The following CDH13 variants were observed in gnomAD, a reference collection of about 807,000 sequenced individuals.
The protein encoded by CDH13 is cadherin 13, also known as cadherin-13.
A neutral mutation model predicts 63.8 loss-of-function variants in CDH13; 24 were observed. That is an observed-to-expected ratio of 0.38 (90% CI 0.27 to 0.53). The LOEUF (loss-of-function observed/expected upper bound fraction) is 0.53. Ranked by LOEUF, CDH13 falls within the 20% of genes least tolerant of loss-of-function variation. The probability of loss-of-function intolerance (pLI) is 0.85; values close to 1 mark genes in which losing one functional copy is unlikely to be tolerated. For missense variants in CDH13, 1,049 were observed against 903.1 expected (o/e 1.16, Z -2.07); for synonymous variants, 503 against 355.3 (o/e 1.42, Z -4.67).
chr16:82,824,131 A>G (rs181338527), intron 1 of CDH13: 30 of 152,354 alleles, frequency 2.0e-4, no homozygotes, highest in African/African-American at 5.5e-4. Flanking sequence ...AGAAGCCAGT[A>G]TGAGTAGCTC....
intron 7 of CDH13, among the ~76,000 whole-genome samples, chr16:83,535,601 C>A (rs1037153400): frequency 6.6e-6 from 1 of 152,162 alleles, no homozygotes; most frequent in Non-Finnish European, 1.5e-5. Flanking sequence ...GAGATCTCAA[C>A]ATGGGGAAGG....
intron 7 of CDH13, among the ~76,000 whole-genome samples, chr16:83,555,132 A>T (rs2075578121): frequency 6.6e-6 from 1 of 152,182 alleles, no homozygotes; most frequent in Non-Finnish European, 1.5e-5. Flanking sequence ...TTGGTACTTC[A>T]TCAACCAGAC....
intron 1 of CDH13, among the ~76,000 whole-genome samples, chr16:82,790,295 C>T (rs1322076882): frequency 6.6e-6 from 1 of 152,052 alleles, no homozygotes; most frequent in African/African-American, 2.4e-5. Context: ...ATTAGCTGGG[C>T]ATGGTGGTGT....
intron 2 of CDH13, among the ~76,000 whole-genome samples, chr16:82,913,918 A>G (rs1422546791): frequency 6.6e-6 from 1 of 152,112 alleles, no homozygotes; most frequent in African/African-American, 2.4e-5. Flanking sequence ...AGTGGTGCAC[A>G]CTTAGGGTTA....
chr16:82,835,411 C>A (rs972994350), intron 1 of CDH13, among the ~76,000 whole-genome samples: 5 of 152,264 alleles, frequency 3.3e-5, no homozygotes, highest in Admixed American at 1.3e-4. Flanking sequence ...CCAAAGCTAC[C>A]CCAATTTTAG....
chr16:83,152,876 A>G (rs915397571), intron 4 of CDH13, among the ~76,000 whole-genome samples: 4 of 152,160 alleles, frequency 2.6e-5, no homozygotes, highest in African/African-American at 9.7e-5. Context: ...GTCCTTAGAA[A>G]AAGGAAAAAT....
At chr16:82,961,586 A>AAAAAAC (rs1555549317) in intron 2 of CDH13, among the ~76,000 whole-genome samples, 1 of 151,628 alleles carries the variant, frequency 6.6e-6, no homozygotes, top group African/African-American at 2.4e-5. Flanking sequence ...AAAAAAAAAA[A>AAAAAAC]AAAAAAAAAA....
At chr16:83,744,519 C>T (rs60771054) in intron 10 of CDH13, among the ~76,000 whole-genome samples, 48,659 of 152,176 alleles carry the variant, frequency 0.32, 8,465 homozygotes, top group Middle Eastern at 0.43. Context: ...CTCATCCGTT[C>T]TCCCCATCTG....
intron 5 of CDH13, among the ~76,000 whole-genome samples, chr16:83,343,437 A>C (rs924020618): frequency 6.6e-6 from 1 of 152,246 alleles, no homozygotes; most frequent in African/African-American, 2.4e-5. Flanking sequence ...ATAACAATGC[A>C]GTGAATAGTT....
chr16:83,526,227 G>T (rs867244578), intron 7 of CDH13, among the ~76,000 whole-genome samples: 3 of 152,142 alleles, frequency 2.0e-5, no homozygotes, highest in South Asian at 2.1e-4. Context: ...GGCGGTGGTG[G>T]TTATTGTTTT....
chr16:83,285,400 G>C (rs370603680), intron 5 of CDH13, among the ~76,000 whole-genome samples: 2 of 152,014 alleles, frequency 1.3e-5, no homozygotes, highest in Admixed American at 6.6e-5. Context: ...TGGATTGGCT[G>C]AGCTGACTGC....
chr16:83,462,084 G>A (rs1386722373), intron 6 of CDH13, among the ~76,000 whole-genome samples: 6 of 152,178 alleles, frequency 3.9e-5, no homozygotes, highest in East Asian at 3.9e-4. Context: ...CTTGGAAATC[G>A]TTTTAACAGG....
intron 1 of CDH13, among the ~76,000 whole-genome samples, chr16:82,765,431 C>T (rs1436804159): frequency 1.3e-5 from 2 of 152,156 alleles, no homozygotes; most frequent in African/African-American, 2.4e-5. Context: ...ATTCCCTACT[C>T]CTTCTATTTT....
chr16:82,661,854 G>A lies in CDH13; in HGVS notation c.45+34717G>A, dbSNP rs569346910. Among the ~76,000 whole-genome samples, 46 of 152,376 alleles carry A rather than the reference G, an allele frequency of 3.0e-4. No individual in the cohort carries two copies. In the South Asian group the frequency reaches 8.9e-3, roughly 29 times the overall value. On this transcript the variant is annotated intron_variant, in intron 1 of 13. Transcript: ENST00000567109. Reference sequence around the variant, plus strand: ...CACAATTTAGGAACAACTAAGGTATGTCCTGTAATTAGGGGACTTGTTAAA... The same window carrying A: ...CACAATTTAGGAACAACTAAGGTATATCCTGTAATTAGGGGACTTGTTAAA...
At chr16:83,199,749 T>C (rs2038971713) in intron 4 of CDH13, among the ~76,000 whole-genome samples, 1 of 152,200 alleles carries the variant, frequency 6.6e-6, no homozygotes, top group South Asian at 2.1e-4. Context: ...CAATGTGCTT[T>C]AGGGATGCAG....
chr16:83,693,651 A>C (rs1478270049), intron 10 of CDH13, among the ~76,000 whole-genome samples: 3 of 152,208 alleles, frequency 2.0e-5, no homozygotes, highest in Non-Finnish European at 4.4e-5. Flanking sequence ...CAGTGAATGA[A>C]TGGCGAACTG....
intron 7 of CDH13, among the ~76,000 whole-genome samples, chr16:83,555,055 G>A (rs1195668193): frequency 6.6e-6 from 1 of 151,878 alleles, no homozygotes; most frequent in African/African-American, 2.4e-5. Context: ...GAGTGAAAAA[G>A]CAAGTCAACA....
chr16:82,997,149 ATGATGGTGATGATAG>A (rs1406794789), intron 2 of CDH13, among the ~76,000 whole-genome samples: 6 of 150,700 alleles, frequency 4.0e-5, no homozygotes, highest in African/African-American at 1.5e-4. Flanking sequence ...GATGATGGTG[ATGATGGTGATGATAG>A]TGATGGTGAT....
chr16:83,706,175 G>A (rs559337679), intron 10 of CDH13, among the ~76,000 whole-genome samples: 2 of 152,280 alleles, frequency 1.3e-5, no homozygotes, highest in Admixed American at 6.5e-5. Flanking sequence ...ATTGCTGTCA[G>A]CCAGAACATC....
Sources: gnomAD v4.1 joint callset for allele counts (sites outside exome capture counted in the v4.1 genomes callset) on GRCh38, gnomAD v4.1.1 for gene constraint, MANE v1.5 for transcripts, NCBI Gene and HGNC (gene_info 2026-07-23, HGNC 2026-07-21) for gene names.